UMAD1: variants seen among roughly 807,000 people sequenced by gnomAD.
UMAD1 encodes the protein UBAP1-MVB12-associated (UMA) domain containing 1, also known as UBAP1-MVB12-associated (UMA)-domain containing protein 1.
In UMAD1, 8 loss-of-function variants were observed where a neutral mutation model predicts 6.1. The ratio of observed to expected loss-of-function variants is 1.30; its 90% CI spans 0.76 to 2.35. The LOEUF (loss-of-function observed/expected upper bound fraction) is 2.35, where lower values mean the gene tolerates loss of function less well. Ranked by LOEUF, UMAD1 falls within the 30% of genes most tolerant of loss-of-function variation. The pLI, the probability that UMAD1 is intolerant of heterozygous loss-of-function variation, is 0.00. For synonymous variants in UMAD1, 56 were observed against 31.4 expected, an observed-to-expected ratio of 1.78 and a Z score of -2.61; for missense variants, 130 against 78.4, an observed-to-expected ratio of 1.66 and a Z score of -2.49.
chr7:7,827,002 T>G (rs1304861823), intron 3 of UMAD1, among the ~76,000 whole-genome samples: 2 of 152,108 alleles, frequency 1.3e-5, no homozygotes, highest in Non-Finnish European at 2.9e-5. Flanking sequence ...TTATAAGGAA[T>G]TATAAGACTA....
intron 2 of UMAD1, among the ~76,000 whole-genome samples, chr7:7,709,781 G>GT (rs563873791): frequency 4.8e-4 from 72 of 148,518 alleles, no homozygotes; most frequent in South Asian, 2.6e-3. Context: ...ACCTTTTAAA[G>GT]TTTTTTTTTT....
chr7:7,641,784 T>C (rs1258836254), intron 1 of UMAD1: 1 of 152,214 alleles, frequency 6.6e-6, no homozygotes, highest in Non-Finnish European at 1.5e-5. Flanking sequence ...GGCCCAAAGC[T>C]ACAGAATTGT....
At chr7:7,837,720 T>C (rs1052689255) in intron 3 of UMAD1, among the ~76,000 whole-genome samples, 4 of 40,206 alleles carry the variant, frequency 9.9e-5, no homozygotes, top group South Asian at 5.8e-4. Flanking sequence ...CAAATGTGAA[T>C]ATATCAGTTA....
At chr7:7,654,639 A>G (rs1785299343) in intron 1 of UMAD1, among the ~76,000 whole-genome samples, 1 of 152,198 alleles carries the variant, frequency 6.6e-6, no homozygotes, top group South Asian at 2.1e-4. Context: ...GCGGTGGCTC[A>G]TGCTTGTAAT....
At chr7:7,716,660 G>A (rs1345791539) in intron 2 of UMAD1, among the ~76,000 whole-genome samples, 1 of 152,088 alleles carries the variant, frequency 6.6e-6, no homozygotes, top group Non-Finnish European at 1.5e-5. Context: ...GGTGGAGGCC[G>A]GCGCGGCCGG....
At chr7:7,821,082 G>A (rs1182106809) in intron 3 of UMAD1, among the ~76,000 whole-genome samples, 1 of 152,128 alleles carries the variant, frequency 6.6e-6, no homozygotes, top group East Asian at 1.9e-4. Flanking sequence ...GTAGCTTACT[G>A]TGTTCATGAA....
chr7:7,851,267 C>A lies in UMAD1; in HGVS notation c.157-26014C>A, dbSNP rs549967462. ...TTCCTTTTATTGTTGTATAATATTC[C>A]ATTGCGTGGCTATACCACATTTTGT... On this transcript the variant is annotated intron_variant, in intron 3 of 3. Transcript: ENST00000682710. 2.0e-5 allele frequency among the ~76,000 whole-genome samples: 3 copies of A among 152,166 alleles called. No homozygotes were observed. In the East Asian group the frequency reaches 5.8e-4, roughly 29 times the overall value.
chr7:7,828,992 A>G (rs1175381549), intron 3 of UMAD1, among the ~76,000 whole-genome samples: 1 of 152,200 alleles, frequency 6.6e-6, no homozygotes, highest in East Asian at 1.9e-4. Context: ...AACATGGAAC[A>G]CTATTATAAG....
At chr7:7,856,349 G>A (rs945633243) in intron 3 of UMAD1, among the ~76,000 whole-genome samples, 1 of 152,214 alleles carries the variant, frequency 6.6e-6, no homozygotes, top group Admixed American at 6.5e-5. Context: ...AGTCATGGTA[G>A]AAGGCACCTC....
intron 2 of UMAD1, among the ~76,000 whole-genome samples, chr7:7,745,866 C>G (rs186413404): frequency 1.3e-5 from 2 of 152,230 alleles, no homozygotes; most frequent in East Asian, 1.9e-4. Context: ...ATTCCTTATT[C>G]TTGTCTTTTC....
At chr7:7,783,399 T>G (rs1028981877) in intron 2 of UMAD1, among the ~76,000 whole-genome samples, 5 of 150,182 alleles carry the variant, frequency 3.3e-5, no homozygotes, top group Non-Finnish European at 7.4e-5. Context: ...AGAAGTTGTT[T>G]TTTTTTTTTT....
At chr7:7,840,020 C>T (rs1051600249) in intron 3 of UMAD1, among the ~76,000 whole-genome samples, 1 of 152,008 alleles carries the variant, frequency 6.6e-6, no homozygotes, top group Non-Finnish European at 1.5e-5. Flanking sequence ...GGGGTGTATA[C>T]AATGATGAAA....
chr7:7,726,839 G>A lies in UMAD1; in HGVS notation c.82+53386G>A, dbSNP rs371102234. Among the ~76,000 whole-genome samples, 5 of 152,204 alleles carry A rather than the reference G, an allele frequency of 3.3e-5. No individual in the cohort carries two copies. In the East Asian group the frequency reaches 9.6e-4, roughly 29 times the overall value. ...AACAGTCTAAGGAGGGAGATACAGTGTTGGCTGGGGTGATTGACCTGGACT... is the reference window on the plus strand; with the variant it reads ...AACAGTCTAAGGAGGGAGATACAGTATTGGCTGGGGTGATTGACCTGGACT... On this transcript the variant is annotated intron_variant, in intron 2 of 3. Transcript: ENST00000682710.
At chr7:7,733,101 A>C (rs1488888765) in intron 2 of UMAD1, among the ~76,000 whole-genome samples, 1 of 152,202 alleles carries the variant, frequency 6.6e-6, no homozygotes. Flanking sequence ...ATTTTTGTGG[A>C]CAAAGAGTGT....
In UMAD1 at chr7:7,669,631, A is replaced by G. The variant is rs553920749; in HGVS notation, c.-63-3678A>G. ...GCATCAGCAGCAGTATTGATCATAC[A>G]AGGGAATCCCAAGACTCTTATTGTA... is the stretch of plus-strand genomic sequence containing the variant. On this transcript the variant is annotated intron_variant, in intron 1 of 3. Coordinates refer to ENST00000682710, the MANE Select transcript of UMAD1 (RefSeq NM_001302348.2). Among the ~76,000 whole-genome samples, 10 of 152,336 alleles carry G rather than the reference A, an allele frequency of 6.6e-5. No homozygotes were observed. In the South Asian group the frequency reaches 2.1e-3, roughly 32 times the overall value.
intron 2 of UMAD1, among the ~76,000 whole-genome samples, chr7:7,719,969 A>T (rs970836429): frequency 6.6e-6 from 1 of 152,152 alleles, no homozygotes; most frequent in Non-Finnish European, 1.5e-5. Context: ...ACTCAGTTTG[A>T]CTTGGACTTG....
chr7:7,765,260 A>G (rs17137468), intron 2 of UMAD1, among the ~76,000 whole-genome samples: 20,741 of 151,968 alleles, frequency 0.14, 2,049 homozygotes, highest in African/African-American at 0.28. Context: ...CCAGTAGCCA[A>G]ATTTTTAACC....
rs552530257 is a variant in UMAD1 at position 7,690,668 on chromosome 7, T to G, written c.82+17215T>G. 2.0e-5 allele frequency among the ~76,000 whole-genome samples: 3 copies of G among 152,298 alleles called. No individual in the cohort carries two copies. In the South Asian group the frequency reaches 6.2e-4, roughly 32 times the overall value. On this transcript the variant is annotated intron_variant, in intron 2 of 3. Transcript: ENST00000682710. ...TGATAGTTATATATTGAGAATACTTTAATATATCTAAATTCTTTTGTTTTT... is the reference window on the plus strand; with the variant it reads ...TGATAGTTATATATTGAGAATACTTGAATATATCTAAATTCTTTTGTTTTT...
At chr7:7,752,467 G>A (rs988179111) in intron 2 of UMAD1, among the ~76,000 whole-genome samples, 5 of 151,932 alleles carry the variant, frequency 3.3e-5, no homozygotes, top group Admixed American at 2.6e-4. Context: ...TATATTAGTT[G>A]CCACATATGA....
Sources: allele counts gnomAD v4.1 joint callset (sites outside exome capture counted in the v4.1 genomes callset), GRCh38; gene constraint gnomAD v4.1.1; transcripts MANE v1.5; gene names NCBI Gene and HGNC (gene_info 2026-07-23, HGNC 2026-07-21).